Variants in TNRC6C observed in about 807,000 individuals in gnomAD.
The protein encoded by TNRC6C is trinucleotide repeat-containing gene 6C protein.
Under a neutral mutation model 153.7 loss-of-function variants are expected in TNRC6C, and 20 were observed. That is an observed-to-expected ratio of 0.13 (90% CI 0.09 to 0.19). The LOEUF (loss-of-function observed/expected upper bound fraction) is 0.19, where lower values mean the gene tolerates loss of function less well. Ranked by LOEUF, TNRC6C falls within the 10% of genes least tolerant of loss-of-function variation. The pLI, the probability that TNRC6C is intolerant of heterozygous loss-of-function variation, is 1.00. For missense variants in TNRC6C, 1,987 were observed against 2,172.0 expected (o/e 0.91, Z 1.69); for synonymous variants, 811 against 841.4 (o/e 0.96, Z 0.63).
intron 1 of TNRC6C, among the ~76,000 whole-genome samples, chr17:78,006,692 G>A (rs1057150213): frequency 6.6e-6 from 1 of 150,502 alleles, no homozygotes; most frequent in Non-Finnish European, 1.5e-5. Flanking sequence ...CATTGTCACT[G>A]TTTTCTACTC....
At chr17:78,005,075 CA>C in exon 1 of TNRC6C, 1 of 1,226,318 alleles carries the variant, frequency 8.2e-7, no homozygotes, top group Non-Finnish European at 1.0e-6. Flanking sequence ...ATCAAAAAAC[CA>C]AAGGTAAGTT....
Position 78,076,226 on chromosome 17 carries a change from A to AG in TNRC6C, c.3060+949dup, listed in dbSNP as rs1211844125. 1.5e-4 allele frequency among the ~76,000 whole-genome samples: 21 copies of AG among 139,276 alleles called. 1 individual carries two copies. In the South Asian group the frequency reaches 5.2e-3, roughly 34 times the overall value. 91.4% of individuals were successfully genotyped at this position (139,276 alleles called of 152,430 possible). A position where few individuals can be genotyped will look rare whatever the true frequency, so the allele number is the denominator to read the frequency against. ...GCGATACTCTGTCTCAAAAAAAAAAAGAAAAAGAAAAAAAAAAAAGGAAAG... is the reference window on the plus strand; with the variant it reads ...GCGATACTCTGTCTCAAAAAAAAAAAGGAAAAAGAAAAAAAAAAAAGGAAAG... On this transcript the variant is annotated intron_variant, in intron 8 of 19. Transcript: ENST00000301624.
chr17:77,979,914 A>G (rs1040467948), intron 1 of TNRC6C, among the ~76,000 whole-genome samples: 7 of 152,208 alleles, frequency 4.6e-5, no homozygotes, highest in South Asian at 2.1e-4. Context: ...GTGGAACGAT[A>G]TCTTCAAAGT....
chr17:77,963,366 T>C (rs2070875300), intron 1 of TNRC6C, among the ~76,000 whole-genome samples: 1 of 152,244 alleles, frequency 6.6e-6, no homozygotes, highest in African/African-American at 2.4e-5. Flanking sequence ...TTAATTTATT[T>C]AATGAAAAGT....
chr17:78,069,139 A>G (rs1171765585), intron 5 of TNRC6C, among the ~76,000 whole-genome samples: 2 of 152,194 alleles, frequency 1.3e-5, no homozygotes, highest in Non-Finnish European at 2.9e-5. Context: ...AGCAAACTGG[A>G]AAAATATGTT....
chr17:77,958,889 C>T (rs2070835434), upstream of TNRC6C, among the ~76,000 whole-genome samples: 1 of 146,406 alleles, frequency 6.8e-6, no homozygotes, highest in African/African-American at 2.5e-5. Context: ...GCCGCGGGCC[C>T]GCCCGAGCCG....
intron 1 of TNRC6C, among the ~76,000 whole-genome samples, chr17:77,977,893 T>C (rs2071023424): frequency 8.6e-6 from 1 of 116,832 alleles, no homozygotes; most frequent in African/African-American, 2.9e-5. Context: ...TAAAACCTCT[T>C]TTTTTTTTTT....
At chr17:78,096,903 AG>A (rs1265771850) in intron 16 of TNRC6C, among the ~76,000 whole-genome samples, 2 of 152,356 alleles carry the variant, frequency 1.3e-5, no homozygotes, top group Non-Finnish European at 2.9e-5. Flanking sequence ...CAAGGGATTG[AG>A]GTGCCTTAAG....
chr17:77,999,911 C>G (rs2071385712), upstream of TNRC6C, among the ~76,000 whole-genome samples: 1 of 152,228 alleles, frequency 6.6e-6, no homozygotes, highest in African/African-American at 2.4e-5. Context: ...GGAGTGACAA[C>G]ATACACCTTT....
exon 20 of TNRC6C, chr17:78,106,536 A>C (rs1025339891): frequency 6.7e-6 from 1 of 149,532 alleles, no homozygotes; most frequent in East Asian, 1.9e-4. Flanking sequence ...AAAAAAAAAA[A>C]CAAAACAAAA....
intron 1 of TNRC6C, among the ~76,000 whole-genome samples, chr17:77,972,787 T>C (rs2070949735): frequency 6.6e-6 from 1 of 152,200 alleles, no homozygotes; most frequent in Admixed American, 6.5e-5. Flanking sequence ...ATAGAACTAA[T>C]ACCAAGCCTT....
At chr17:78,087,318 A>G (rs1244302247) in intron 13 of TNRC6C, among the ~76,000 whole-genome samples, 5 of 152,072 alleles carry the variant, frequency 3.3e-5, no homozygotes, top group Non-Finnish European at 7.4e-5. Context: ...GGGTCTCACC[A>G]TGTTGCTCAG....
chr17:78,019,201 A>C (rs1486879047), intron 1 of TNRC6C, among the ~76,000 whole-genome samples: 7 of 152,222 alleles, frequency 4.6e-5, no homozygotes, highest in South Asian at 2.1e-4. Context: ...ATGGGGTTGC[A>C]GCCAGGACTT....
At chr17:77,984,357 A>T (rs1598649163) in intron 1 of TNRC6C, among the ~76,000 whole-genome samples, 1 of 50,834 alleles carries the variant, frequency 2.0e-5, no homozygotes, top group African/African-American at 1.5e-4. Context: ...ATCAATACTT[A>T]AAAAAAAAAA....
chr17:77,989,576 G>A (rs549379336), intron 1 of TNRC6C, among the ~76,000 whole-genome samples: 89 of 152,206 alleles, frequency 5.8e-4, no homozygotes, highest in Non-Finnish European at 1.1e-3. Flanking sequence ...ATAGTACTTA[G>A]GAAATTACTT....
At position 78,049,427 on chromosome 17, in the gene TNRC6C, A is replaced by T. The variant is rs201681149; in HGVS notation, c.365A>T (p.Asn122Ile). The change falls in exon 3 of 20, where the codon AAC (asparagine) becomes ATC (isoleucine). Residue 122 changes from asparagine (N) to isoleucine (I), a missense_variant. Transcript: ENST00000301624. The surrounding 1 kb of genome is among the most constrained non-coding windows in gnomAD (Gnocchi z 4.1). Reference sequence around the variant, plus strand: ...CATGAAGGAACCGTGGCGACAGGCAACCCTTCCAGTATTTGCAGTCCAGTC... The same window carrying T: ...CATGAAGGAACCGTGGCGACAGGCATCCCTTCCAGTATTTGCAGTCCAGTC... 3 of 1,613,984 alleles carry T rather than the reference A, an allele frequency of 1.9e-6. No individual in the cohort carries two copies. In the East Asian group the frequency reaches 6.7e-5, roughly 36 times the overall value.
intron 5 of TNRC6C, among the ~76,000 whole-genome samples, 163 bp from the exon 8 acceptor site, chr17:78,070,922 G>A (rs978517887): frequency 2.0e-5 from 3 of 152,138 alleles, no homozygotes; most frequent in East Asian, 1.9e-4. Flanking sequence ...CAGTAGCCAC[G>A]AAATACTGTT....
chr17:78,083,554 G>A (rs138251989), intron 11 of TNRC6C, among the ~76,000 whole-genome samples: 2 of 152,076 alleles, frequency 1.3e-5, no homozygotes, highest in African/African-American at 4.8e-5. Flanking sequence ...TTTATAATTA[G>A]GCATGTCTTT....
Position 78,079,621 on chromosome 17 carries a change from C to A in TNRC6C, c.3357+80C>A. ...GTGGGGTCCTGTGTTATCTGGAAGT[C>A]ACTATTTTAAAGTGAGAGCGGAGTT... is the stretch of plus-strand genomic sequence containing the variant. On this transcript the variant is annotated intron_variant, in intron 10 of 19. Transcript: ENST00000301624. This position sits in a 1 kb window ranked among gnomAD's most constrained non-coding sequence, Gnocchi z 4.3. 1.3e-6 allele frequency: 2 copies of A among 1,531,426 alleles called. No individual in the cohort carries two copies. The highest frequency in any genetic ancestry group is 2.5e-5 in the South Asian group (2 of 81,318). 94.9% of individuals were successfully genotyped at this position (1,531,426 alleles called of 1,614,324 possible).
Sources: allele counts gnomAD v4.1 joint callset (sites outside exome capture counted in the v4.1 genomes callset), GRCh38; gene constraint gnomAD v4.1.1; non-coding constraint Gnocchi (gnomAD v3.1); transcripts MANE v1.5; gene names NCBI Gene and HGNC (gene_info 2026-07-23, HGNC 2026-07-21).